KALRN: variants seen among roughly 807,000 people sequenced by gnomAD.
KALRN encodes kalirin RhoGEF kinase, also known as kalirin.
In KALRN, 70 loss-of-function variants were observed where a neutral mutation model predicts 353.7. The observed-to-expected ratio is 0.20, with a 90% CI of 0.16 to 0.24. The LOEUF (loss-of-function observed/expected upper bound fraction) is 0.24, where lower values mean the gene tolerates loss of function less well. Among genes scored for constraint, KALRN ranks in the 10% least tolerant of loss-of-function variants. The probability of loss-of-function intolerance (pLI) is 1.00; values close to 1 mark genes in which losing one functional copy is unlikely to be tolerated. For missense variants in KALRN, 2,791 were observed against 3,756.7 expected (o/e 0.74, Z 6.72); for synonymous variants, 1,391 against 1,434.8 (o/e 0.97, Z 0.69).
intron 57 of KALRN, 48 bp downstream of exon 57, chr3:124,702,164 T>C: frequency 8.4e-7 from 1 of 1,185,044 alleles, no homozygotes; most frequent in Non-Finnish European, 1.3e-6. Context: ...CCTAGCAACA[T>C]CACATCAGAA....
Position 124,455,318 on chromosome 3 carries a change from T to C in KALRN, c.3694T>C (p.Tyr1232His). ...YRDFSLRMGK[Y>H]RYSLEKALGV... ...AGATTTCTCCCTGAGGATGGGAAAG[T>C]ACCGATACTCACTGGAGAAAGCCCT... is the stretch of plus-strand genomic sequence containing the variant. Residue 1232 changes from tyrosine (Y) to histidine (H), a missense_variant, in exon 22 of 60, where the codon TAC becomes CAC. Tyr to His is a moderately conservative substitution (Grantham distance 83, BLOSUM62 2). Around this residue, in one of 11 missense-constraint regions of KALRN, gnomAD observed 268 missense variants for 347.0 expected, o/e 0.77. Transcript: ENST00000682506. 1.2e-6 allele frequency: 2 copies of C among 1,614,136 alleles called. No individual in the cohort carries two copies. The highest frequency in any genetic ancestry group is 1.7e-6 in the Non-Finnish European group (2 of 1,180,002).
chr3:124,655,139 G>A (rs139581380), intron 38 of KALRN, among the ~76,000 whole-genome samples: 3 of 152,300 alleles, frequency 2.0e-5, no homozygotes, highest in African/African-American at 4.8e-5. Flanking sequence ...TTACAGGTTG[G>A]TAATCAAATA....
At chr3:124,160,243 A>T (rs1350494706) in intron 1 of KALRN, among the ~76,000 whole-genome samples, 1 of 151,744 alleles carries the variant, frequency 6.6e-6, no homozygotes, top group African/African-American at 2.4e-5. Context: ...GCCGGCCTGG[A>T]TGGAGGGGCC....
chr3:124,567,975 A>AG (rs1186420502), intron 34 of KALRN, among the ~76,000 whole-genome samples: 1 of 150,072 alleles, frequency 6.7e-6, no homozygotes, highest in Admixed American at 6.6e-5. Context: ...ACTCTATCTC[A>AG]GGGGGAAAAA....
intron 55 of KALRN, among the ~76,000 whole-genome samples, chr3:124,698,127 C>T (rs1263909696): frequency 1.3e-5 from 2 of 152,042 alleles, no homozygotes; most frequent in African/African-American, 4.8e-5. Flanking sequence ...CACCACCACA[C>T]CCGGCTAATT....
intron 47 of KALRN, 67 bp from the exon 48 acceptor site, chr3:124,671,593 C>A: frequency 8.9e-7 from 1 of 1,118,244 alleles, no homozygotes; most frequent in Non-Finnish European, 1.4e-6. Context: ...AGCCTTGGAC[C>A]TAAGAGGCCT....
At chr3:124,518,442 C>T (rs1472600108) in intron 33 of KALRN, 2 of 1,614,076 alleles carry the variant, frequency 1.2e-6, no homozygotes, top group East Asian at 4.5e-5. Flanking sequence ...ACCTGGAGAT[C>T]CTTTCTCCAC....
intron 34 of KALRN, among the ~76,000 whole-genome samples, chr3:124,581,737 C>A (rs1480202419): frequency 6.6e-6 from 1 of 152,148 alleles, no homozygotes; most frequent in Non-Finnish European, 1.5e-5. Context: ...AAATATTGAA[C>A]CTTGGACCAT....
chr3:124,292,899 G>T (rs1447196268), intron 5 of KALRN, among the ~76,000 whole-genome samples: 1 of 152,166 alleles, frequency 6.6e-6, no homozygotes, highest in African/African-American at 2.4e-5. Context: ...TAAGGTTTAA[G>T]TAGTTTAAAT....
chr3:124,679,928 C>T (rs2087598323), intron 51 of KALRN, among the ~76,000 whole-genome samples: 1 of 152,204 alleles, frequency 6.6e-6, no homozygotes, highest in Admixed American at 6.5e-5. Context: ...TTGTTTTCCC[C>T]TCCTCCGCTT....
intron 1 of KALRN, among the ~76,000 whole-genome samples, chr3:124,156,817 T>C (rs1200011378): frequency 1.3e-5 from 2 of 152,162 alleles, no homozygotes; most frequent in East Asian, 1.9e-4. Context: ...AATGTCCCAA[T>C]TGTCATGCCT....
At chr3:124,667,985 T>C (rs1578817159) in intron 47 of KALRN, among the ~76,000 whole-genome samples, 1 of 151,354 alleles carries the variant, frequency 6.6e-6, no homozygotes, top group African/African-American at 2.4e-5. Context: ...GAATGCAAAA[T>C]GTAACTAGTA....
At chr3:124,612,584 G>A (rs1163577634) in intron 34 of KALRN, among the ~76,000 whole-genome samples, 13 of 152,138 alleles carry the variant, frequency 8.5e-5, no homozygotes, top group African/African-American at 1.2e-4. Context: ...TGATCTGCCC[G>A]CCTCATCCTA....
At chr3:124,462,820 TA>T in intron 25 of KALRN, 187 bp downstream of exon 25, 1 of 539,018 alleles carries the variant, frequency 1.9e-6, no homozygotes. Flanking sequence ...TAGTGGAGAG[TA>T]AAGTCAAGTA....
intron 10 of KALRN, among the ~76,000 whole-genome samples, chr3:124,384,181 G>A (rs2087839410): frequency 6.6e-6 from 1 of 152,132 alleles, no homozygotes; most frequent in South Asian, 2.1e-4. Context: ...GGACGACTGT[G>A]TGTGCATGTG....
rs151057656 is a variant in KALRN, at chr3:124,477,677, T to A, written c.4191+343T>A. On this transcript the variant is annotated intron_variant, in intron 27 of 59. Coordinates refer to ENST00000682506, the MANE Select transcript of KALRN (RefSeq NM_001388419.1). ...TCATATACAGCTCTCACAAATGTAG[T>A]GTTTCCGAAAGTGTGATCCTTGGAC... Among the ~76,000 whole-genome samples the A allele has an allele frequency of 2.0e-4, 31 of 152,306 alleles. No homozygotes were observed. In the East Asian group the frequency reaches 5.8e-3, roughly 28 times the overall value.
intron 33 of KALRN, among the ~76,000 whole-genome samples, chr3:124,536,196 CTTT>C (rs34435871): frequency 1.0e-5 from 1 of 99,118 alleles, no homozygotes. Flanking sequence ...CATCCATACT[CTTT>C]TTTTTTTTTT....
rs112118135 is a variant in KALRN at position 124,247,368 on chromosome 3, T to G, written c.263+12425T>G. On this transcript the variant is annotated intron_variant, in intron 3 of 59. Transcript: ENST00000682506. ...TAAGCAAGGATTACTCTTCTTCAACTACAAGTGAGTTTGATACAATCTTTC... is the reference window on the plus strand; with the variant it reads ...TAAGCAAGGATTACTCTTCTTCAACGACAAGTGAGTTTGATACAATCTTTC... Among the ~76,000 whole-genome samples the G allele has an allele frequency of 2.6e-3, 398 of 152,330 alleles. 1 individual carries two copies. Among genetic ancestry groups the G allele is most frequent in the African/African-American group, 9.4e-3 (389 of 41,582 alleles).
At chr3:124,048,490 T>C (rs528723789) in intron 1 of KALRN, among the ~76,000 whole-genome samples, 2 of 152,200 alleles carry the variant, frequency 1.3e-5, no homozygotes, top group South Asian at 4.2e-4. Context: ...TTACCTCTTT[T>C]TTTTTTTTTG....
Sources: gnomAD v4.1 joint callset for allele counts (sites outside exome capture counted in the v4.1 genomes callset) on GRCh38, gnomAD v4.1.1 for gene constraint, gnomAD v4.1.1 regional missense constraint, MANE v1.5 for transcripts, NCBI Gene and HGNC (gene_info 2026-07-23, HGNC 2026-07-21) for gene names.